Variants in MRPS30 observed in about 807,000 individuals in gnomAD.
MRPS30 encodes mitochondrial ribosomal protein S30, also known as large ribosomal subunit protein mL65.
Under a neutral mutation model 43.8 loss-of-function variants are expected in MRPS30, and 42 were observed. The ratio of observed to expected loss-of-function variants is 0.96; its 90% CI spans 0.75 to 1.24. The LOEUF (loss-of-function observed/expected upper bound fraction) is 1.24, where lower values mean the gene tolerates loss of function less well. Among genes scored for constraint, MRPS30 ranks in the 50% most tolerant of loss-of-function variants. MRPS30 has a pLI of 0.00. For synonymous variants in MRPS30, 273 were observed against 228.2 expected (o/e 1.20, Z -1.77); for missense variants, 638 against 570.0 (o/e 1.12, Z -1.22).
At chr5:44,811,243 T>C in intron 2 of MRPS30, 89 bp downstream of exon 2, 1 of 1,408,248 alleles carries the variant, frequency 7.1e-7, no homozygotes, top group Non-Finnish European at 9.6e-7. Flanking sequence ...TAGAATAAAA[T>C]GTTTCAGGTG....
At position 44,811,012 on chromosome 5, in the gene MRPS30, A is replaced by T. The variant is rs971764392; in HGVS notation, c.605A>T (p.Tyr202Phe). The T allele has an allele frequency of 6.2e-7, 1 of 1,613,674 alleles. No homozygotes were observed. The highest frequency in any genetic ancestry group is 1.7e-5 in the Admixed American group (1 of 59,978). ...ATTTTGAATATCTTTTTGATAGATT[A>T]TAGATGCCCAGTTCATTTTTACTGG... Reference protein sequence around the residue: ...NPALAAAALDYRCPVHFYWVR... With the variant: ...NPALAAAALDFRCPVHFYWVR... Residue 202 changes from tyrosine (Y) to phenylalanine (F), a missense_variant, in exon 2 of 5, where the codon TAT becomes TTT. Coordinates refer to ENST00000507110, the MANE Select transcript of MRPS30 (RefSeq NM_016640.4).
At chr5:44,814,827 T>A (rs557427196) in intron 4 of MRPS30, 86 bp from the exon 5 acceptor site, 1 of 1,271,282 alleles carries the variant, frequency 7.9e-7, no homozygotes, top group South Asian at 1.5e-5. Flanking sequence ...TAGGAGGTAT[T>A]TGATACCCTC....
In MRPS30 at chr5:44,809,382, G is replaced by A. The variant is rs895489005; in HGVS notation, c.420G>A (p.Ala140=). ...AACCTGAACCTGCGCTGGACCTCGC[G>A]GCGCTGCGTGCGGTCGCCTGCGACT... ...EPEPEPALDL[A]ALRAVACDCL... Residue 140 remains alanine, a synonymous_variant, in exon 1 of 5, where the codon GCG becomes GCA. Coordinates refer to ENST00000507110, the MANE Select transcript of MRPS30 (RefSeq NM_016640.4). 10 of 1,608,640 alleles carry A rather than the reference G, an allele frequency of 6.2e-6. No homozygotes were observed. Among genetic ancestry groups the A allele is most frequent in the African/African-American group, 2.7e-5 (2 of 74,792 alleles).
chr5:44,812,650 T>A (rs943535921), intron 3 of MRPS30, among the ~76,000 whole-genome samples: 2 of 151,946 alleles, frequency 1.3e-5, no homozygotes, highest in East Asian at 3.9e-4. Context: ...CTACTTATTT[T>A]TTTTTTTTTT....
Position 44,815,282 on chromosome 5 carries a change from A to T in MRPS30, c.*80A>T. ...ATAATGATGAGATTTGTAACTGTCA[A>T]CTATTAAATACATTGATTTTTGAGA... On this transcript the variant is annotated 3_prime_UTR_variant, in exon 5 of 5. Transcript: ENST00000507110. 1 of 1,219,706 alleles carries T rather than the reference A, an allele frequency of 8.2e-7. No individual in the cohort carries two copies. Among genetic ancestry groups the T allele is most frequent in the Middle Eastern group, 2.9e-4 (1 of 3,432 alleles). The allele number at this position is 1,219,706 out of a possible 1,614,324, so 75.6% of individuals were successfully genotyped here. A position where few individuals can be genotyped will look rare whatever the true frequency, so the allele number is the denominator to read the frequency against.
Position 44,814,896 on chromosome 5 carries a change from A to G in MRPS30, c.1031-17A>G, listed in dbSNP as rs370008689. The G allele has an allele frequency of 1.9e-6, 3 of 1,581,998 alleles. No homozygotes were observed. Among genetic ancestry groups the G allele is most frequent in the South Asian group, 2.4e-5 (2 of 84,820 alleles). On this transcript the variant is annotated splice_polypyrimidine_tract_variant and intron_variant, in intron 4 of 4. Coordinates refer to ENST00000507110, the MANE Select transcript of MRPS30 (RefSeq NM_016640.4). The stretch of plus-strand genomic sequence containing the variant: ...ATATATTCTATGTGTAAATTTCAGC[A>G]TAACTTTCTTCTACAGGATTCTGGA...
In MRPS30 at chr5:44,813,093, T is replaced by G. The variant is rs1427751499; in HGVS notation, c.854-13T>G. On this transcript the variant is annotated splice_polypyrimidine_tract_variant and intron_variant, in intron 3 of 4. Transcript: ENST00000507110. Reference sequence around the variant, plus strand: ...GTTTGTTTCATCTGAAATGTTTTTATTTTGCTCTTCAGGCTCAAAAACTGC... The same window carrying G: ...GTTTGTTTCATCTGAAATGTTTTTAGTTTGCTCTTCAGGCTCAAAAACTGC... 6.2e-7 allele frequency: 1 copy of G among 1,607,894 alleles called. No homozygotes were observed. The highest frequency in any genetic ancestry group is 8.5e-7 in the Non-Finnish European group (1 of 1,178,252).
intron 4 of MRPS30, 124 bp downstream of exon 4, chr5:44,813,406 T>A: frequency 1.3e-6 from 1 of 757,738 alleles, no homozygotes; most frequent in Non-Finnish European, 2.0e-6. Flanking sequence ...ACTTTTGCAT[T>A]GGCACAAAGT....
Position 44,813,234 on chromosome 5 carries a change from G to A in MRPS30, c.982G>A (p.Ala328Thr). The change falls in exon 4 of 5, where the codon GCT becomes ACT. Residue 328 changes from alanine (A) to threonine (T), a missense_variant. Physicochemically the swap from Ala to Thr is moderately conservative, Grantham distance 58. Coordinates refer to ENST00000507110, the MANE Select transcript of MRPS30 (RefSeq NM_016640.4). ...DQIEVVFRAN[A>T]IASLFAWTGA... is the part of the protein sequence containing the mutation. ...GATAGAAGTTGTTTTTAGAGCTAAT[G>A]CTATTGCAAGCCTTTTTGCTTGGAC... 6.2e-7 allele frequency: 1 copy of A among 1,611,272 alleles called. No homozygotes were observed. The highest frequency in any genetic ancestry group is 1.1e-5 in the South Asian group (1 of 90,340).
At chr5:44,814,878 C>T in intron 4 of MRPS30, 35 bp from the exon 5 acceptor site, 2 of 1,551,998 alleles carry the variant, frequency 1.3e-6, no homozygotes, top group Non-Finnish European at 1.7e-6. Flanking sequence ...AAGATATATT[C>T]TATGTGTAAA....
chr5:44,814,870 G>T (rs761573298), intron 4 of MRPS30, 43 bp from the exon 5 acceptor site: 6 of 1,530,166 alleles, frequency 3.9e-6, no homozygotes, highest in Non-Finnish European at 5.3e-6. Context: ...GTTTGGGTAA[G>T]ATATATTCTA....
chr5:44,815,187 G>A lies in MRPS30; in HGVS notation c.1305G>A (p.Gln435=). 6.3e-7 allele frequency: 1 copy of A among 1,584,722 alleles called. No individual in the cohort carries two copies. Among genetic ancestry groups the A allele is most frequent in the Non-Finnish European group, 8.5e-7 (1 of 1,169,622 alleles). ...LLNRPKEEKS[Q]LLEN ...ATAGACCAAAAGAAGAAAAATCACAGCTGTTGGAAAACTGAAAAAGCATAT... is the reference window on the plus strand; with the variant it reads ...ATAGACCAAAAGAAGAAAAATCACAACTGTTGGAAAACTGAAAAAGCATAT... The change falls in exon 5 of 5, where the codon CAG becomes CAA. Residue 435 remains glutamine, a synonymous_variant. Transcript: ENST00000507110.
chr5:44,808,955 G>T lies in MRPS30; in HGVS notation c.-8G>T. Reference sequence around the variant, plus strand: ...AGTTGACCTCTGGGTCCGGAATCGCGGGCAAAGATGGCGGCGGCCAGGTGT... The same window carrying T: ...AGTTGACCTCTGGGTCCGGAATCGCTGGCAAAGATGGCGGCGGCCAGGTGT... On this transcript the variant is annotated 5_prime_UTR_variant, in exon 1 of 5. Coordinates refer to ENST00000507110, the MANE Select transcript of MRPS30 (RefSeq NM_016640.4). 6.3e-7 allele frequency: 1 copy of T among 1,585,666 alleles called. No individual in the cohort carries two copies. Among genetic ancestry groups the T allele is most frequent in the Non-Finnish European group, 8.6e-7 (1 of 1,167,614 alleles).
chr5:44,810,159 C>T (rs1434401197), intron 1 of MRPS30, among the ~76,000 whole-genome samples: 1 of 151,872 alleles, frequency 6.6e-6, no homozygotes, highest in Non-Finnish European at 1.5e-5. Context: ...TTATATGTGC[C>T]AACTTATTAA....
At position 44,815,243 on chromosome 5, in the gene MRPS30, T is replaced by G. The variant is rs763101508; in HGVS notation, c.*41T>G. Reference sequence around the variant, plus strand: ...TGAGAACTGTGGGAATATTTAAATTTTACTGAAGGAACAATAATGATGAGA... The same window carrying G: ...TGAGAACTGTGGGAATATTTAAATTGTACTGAAGGAACAATAATGATGAGA... On this transcript the variant is annotated 3_prime_UTR_variant, in exon 5 of 5. Coordinates refer to ENST00000507110, the MANE Select transcript of MRPS30 (RefSeq NM_016640.4). The G allele has an allele frequency of 6.8e-7, 1 of 1,472,668 alleles. No homozygotes were observed. The highest frequency in any genetic ancestry group is 9.1e-7 in the Non-Finnish European group (1 of 1,102,532). The allele number at this position is 1,472,668 out of a possible 1,614,324, so 91.2% of individuals were successfully genotyped here.
At position 44,809,062 on chromosome 5, in the gene MRPS30, C is replaced by T. The variant is rs1162558290; in HGVS notation, c.100C>T (p.Gln34Ter). The T allele has an allele frequency of 7.5e-6, 12 of 1,610,282 alleles. No homozygotes were observed. The highest frequency in any genetic ancestry group is 1.0e-5 in the Non-Finnish European group (12 of 1,178,952). ...CGCCACGGCTACAGAAACGACCTGC[C>T]AAGACGTCGCGGCGACCCCCGTCGC... ...AAATATETTCQDVAATPVARY... is the reference protein window; with the variant it reads ...AAATATETTC The change falls in exon 1 of 5, where the codon CAA (glutamine) becomes TAA (stop). Residue 34 changes from glutamine to a stop codon, truncating the protein, a stop_gained. Coordinates refer to ENST00000507110, the MANE Select transcript of MRPS30 (RefSeq NM_016640.4). LOFTEE classifies it high-confidence loss of function.
Position 44,809,384 on chromosome 5 carries a change from C to A in MRPS30, c.422C>A (p.Ala141Glu). The change falls in exon 1 of 5, where the codon GCG (alanine) becomes GAG (glutamate). Residue 141 changes from alanine to glutamate, a missense_variant. Transcript: ENST00000507110. Reference protein sequence around the residue: ...PEPEPALDLAALRAVACDCLL... With the variant: ...PEPEPALDLAELRAVACDCLL... ...CCTGAACCTGCGCTGGACCTCGCGG[C>A]GCTGCGTGCGGTCGCCTGCGACTGC... 2 of 1,608,872 alleles carry A rather than the reference C, an allele frequency of 1.2e-6. No homozygotes were observed. The highest frequency in any genetic ancestry group is 1.7e-6 in the Non-Finnish European group (2 of 1,177,630).
rs1382758365 is a variant in MRPS30, at chr5:44,811,304, C to G, written c.747+150C>G. On this transcript the variant is annotated intron_variant, in intron 2 of 4. Coordinates refer to ENST00000507110, the MANE Select transcript of MRPS30 (RefSeq NM_016640.4). ...TTTGAAGACATCACCTCTCAAAAAT[C>G]TTTTTAGCTTTTTAAATCTGCTTTG... 10 of 825,926 alleles carry G rather than the reference C, an allele frequency of 1.2e-5. No homozygotes were observed. In the Admixed American group the frequency reaches 2.6e-4, roughly 22 times the overall value. 51.2% of individuals were successfully genotyped at this position (825,926 alleles called of 1,614,324 possible). A position where few individuals can be genotyped will look rare whatever the true frequency, so the allele number is the denominator to read the frequency against.
At position 44,811,390 on chromosome 5, in the gene MRPS30, C is replaced by G. The variant is rs944536366; in HGVS notation, c.747+236C>G. Among the ~76,000 whole-genome samples the G allele has an allele frequency of 2.0e-5, 3 of 152,132 alleles. No homozygotes were observed. In the East Asian group the frequency reaches 5.8e-4, roughly 29 times the overall value. On this transcript the variant is annotated intron_variant, in intron 2 of 4. Coordinates refer to ENST00000507110, the MANE Select transcript of MRPS30 (RefSeq NM_016640.4). ...ATAACGGGTTAAAGTGTCATTTTGC[C>G]TGACCATACAGATCTATATGTTTCT...
Sources: allele counts gnomAD v4.1 joint callset (sites outside exome capture counted in the v4.1 genomes callset), GRCh38; gene constraint gnomAD v4.1.1; transcripts MANE v1.5; gene names NCBI Gene and HGNC (gene_info 2026-07-23, HGNC 2026-07-21).